Variants in HTR4 observed in about 807,000 individuals in gnomAD.
The protein encoded by HTR4 is 5-hydroxytryptamine receptor 4.
In HTR4, 16 loss-of-function variants were observed where a neutral mutation model predicts 36.8. That is an observed-to-expected ratio of 0.43 (90% confidence interval 0.29 to 0.66). HTR4 has a LOEUF of 0.66. Ranked by LOEUF, HTR4 falls within the 30% of genes least tolerant of loss-of-function variation. The pLI is 0.13. For synonymous variants in HTR4, 189 were observed against 185.1 expected, an observed-to-expected ratio of 1.02 and a Z score of -0.17; for missense variants, 438 against 490.9, an observed-to-expected ratio of 0.89 and a Z score of 1.02.
At chr5:148,589,969 A>G (rs1391891203) in intron 2 of HTR4, among the ~76,000 whole-genome samples, 1 of 152,026 alleles carries the variant, frequency 6.6e-6, no homozygotes, top group Non-Finnish European at 1.5e-5. Flanking sequence ...TGTCTAACAA[A>G]CTTTGTACCC....
intron 2 of HTR4, among the ~76,000 whole-genome samples, chr5:148,553,985 C>T (rs998743049): frequency 3.3e-5 from 5 of 152,170 alleles, no homozygotes; most frequent in South Asian, 4.1e-4. Flanking sequence ...CCCAAGTTTC[C>T]ATTAATAGAT....
At chr5:148,609,783 T>G (rs1752334537) in intron 2 of HTR4, among the ~76,000 whole-genome samples, 1 of 152,006 alleles carries the variant, frequency 6.6e-6, no homozygotes, top group Non-Finnish European at 1.5e-5. Context: ...AGCCAGGATG[T>G]TCGCAATCTC....
At chr5:148,504,250 C>A (rs1757076389) in intron 6 of HTR4, among the ~76,000 whole-genome samples, 1 of 152,170 alleles carries the variant, frequency 6.6e-6, no homozygotes, top group South Asian at 2.1e-4. Flanking sequence ...GGAAGTAAAA[C>A]ACTCTTCAGC....
At chr5:148,610,650 A>G (rs549095565) in intron 2 of HTR4, among the ~76,000 whole-genome samples, 2,083 of 152,178 alleles carry the variant, frequency 0.014, 40 homozygotes, top group African/African-American at 0.048. Flanking sequence ...GCAGCTCCTC[A>G]CCAGCAACGG....
At chr5:148,454,751 G>A (rs1364669871) in intron 5 of HTR4, among the ~76,000 whole-genome samples, 1 of 152,146 alleles carries the variant, frequency 6.6e-6, no homozygotes, top group Non-Finnish European at 1.5e-5. Context: ...GATAAGACTG[G>A]TATTATACAG....
chr5:148,559,245 T>G (rs1233204873), intron 2 of HTR4, among the ~76,000 whole-genome samples: 2 of 152,164 alleles, frequency 1.3e-5, no homozygotes, highest in African/African-American at 4.8e-5. Context: ...GCATATTGCT[T>G]TTACACCATG....
intron 2 of HTR4, among the ~76,000 whole-genome samples, chr5:148,563,032 T>C (rs1326211596): frequency 6.6e-6 from 1 of 152,156 alleles, no homozygotes; most frequent in Non-Finnish European, 1.5e-5. Context: ...GATTGGAACA[T>C]ATCACTTCCA....
At chr5:148,632,687 G>T (rs1215839307) in intron 2 of HTR4, among the ~76,000 whole-genome samples, 6 of 152,132 alleles carry the variant, frequency 3.9e-5, no homozygotes, top group Admixed American at 3.9e-4. Flanking sequence ...AACTTAAAAA[G>T]AAATTGATTG....
At chr5:148,617,094 G>A (rs1213432257) in intron 2 of HTR4, among the ~76,000 whole-genome samples, 1 of 152,196 alleles carries the variant, frequency 6.6e-6, no homozygotes, top group African/African-American at 2.4e-5. Context: ...CATTGTCGGA[G>A]GTAGGACCTG....
At chr5:148,624,866 G>A (rs1466843508) in intron 2 of HTR4, among the ~76,000 whole-genome samples, 5 of 152,178 alleles carry the variant, frequency 3.3e-5, no homozygotes, top group African/African-American at 9.7e-5. Context: ...CTTTATCAAT[G>A]TTTTTTAAAT....
chr5:148,618,361 C>G, intron 2 of HTR4, among the ~76,000 whole-genome samples: 1 of 152,238 alleles, frequency 6.6e-6, no homozygotes, highest in South Asian at 2.1e-4. Flanking sequence ...TCCATCTACT[C>G]TTTCTGATCC....
intron 5 of HTR4, among the ~76,000 whole-genome samples, chr5:148,522,005 G>T (rs1758042594): frequency 6.6e-6 from 1 of 152,176 alleles, no homozygotes; most frequent in Admixed American, 6.5e-5. Flanking sequence ...GAGGGACCTG[G>T]TGGGAGATAA....
At chr5:148,645,036 T>C (rs536034072) in intron 1 of HTR4, 1 of 152,364 alleles carries the variant, frequency 6.6e-6, no homozygotes, top group South Asian at 2.1e-4. Context: ...TTCGCTTTCA[T>C]TTTTGTTTCT....
intron 4 of HTR4, among the ~76,000 whole-genome samples, chr5:148,536,642 A>G (rs1758836981): frequency 6.6e-6 from 1 of 152,232 alleles, no homozygotes; most frequent in African/African-American, 2.4e-5. Flanking sequence ...AAAAGCACAA[A>G]GAAGGGCATT....
At chr5:148,523,439 G>C in intron 4 of HTR4, 93 bp from the exon 5 acceptor site, 14 of 978,808 alleles carry the variant, frequency 1.4e-5, no homozygotes, top group Non-Finnish European at 1.9e-5. Context: ...AGGGGAGGAA[G>C]AGGGGATGGA....
chr5:148,609,583 T>TG (rs1008537030), intron 2 of HTR4, among the ~76,000 whole-genome samples: 2 of 113,572 alleles, frequency 1.8e-5, no homozygotes. Flanking sequence ...TTTTAAGGGT[T>TG]TTTTTTTTTT....
intron 2 of HTR4, among the ~76,000 whole-genome samples, chr5:148,595,081 GT>G (rs573047355): frequency 1.9e-3 from 276 of 144,818 alleles, no homozygotes; most frequent in Middle Eastern, 0.015. Context: ...TCTGAAAACA[GT>G]TTTTTTTTTT....
intron 2 of HTR4, among the ~76,000 whole-genome samples, chr5:148,627,171 C>T (rs1035963430): frequency 6.6e-6 from 1 of 152,164 alleles, no homozygotes; most frequent in Non-Finnish European, 1.5e-5. Context: ...CTTGTCAACC[C>T]TGTAACCCTA....
At chr5:148,467,067 C>T (rs1755448269) in intron 5 of HTR4, among the ~76,000 whole-genome samples, 1 of 152,154 alleles carries the variant, frequency 6.6e-6, no homozygotes, top group African/African-American at 2.4e-5. Flanking sequence ...GCATGTCATG[C>T]TTCTCTGAAA....
Sources: gnomAD v4.1 joint callset for allele counts (sites outside exome capture counted in the v4.1 genomes callset) on GRCh38, gnomAD v4.1.1 for gene constraint, MANE v1.5 for transcripts, NCBI Gene and HGNC (gene_info 2026-07-23, HGNC 2026-07-21) for gene names.